ANKHD1: variants seen among roughly 807,000 people sequenced by gnomAD.
The protein encoded by ANKHD1 is ankyrin repeat and KH domain-containing protein 1.
In ANKHD1, 31 loss-of-function variants were observed where a neutral mutation model predicts 230.5. The ratio of observed to expected loss-of-function variants is 0.13; its 90% CI spans 0.10 to 0.18. ANKHD1 has a LOEUF of 0.18. ANKHD1 is among the 10% of genes least tolerant of loss of function. ANKHD1 has a pLI of 1.00. For missense variants in ANKHD1, 2,256 were observed against 3,071.3 expected (o/e 0.73, Z 6.27); for synonymous variants, 1,074 against 1,117.6 (o/e 0.96, Z 0.78).
rs1754218710 is a variant in ANKHD1 at position 140,539,733 on chromosome 5, T to A, written c.*315T>A. 1 of 207,400 alleles carries A rather than the reference T, an allele frequency of 4.8e-6. No homozygotes were observed. Among genetic ancestry groups the A allele is most frequent in the Non-Finnish European group, 9.6e-6 (1 of 104,184 alleles). The allele number at this position is 207,400 out of a possible 1,614,324, so 12.8% of individuals were successfully genotyped here. A position where few individuals can be genotyped will look rare whatever the true frequency, so the allele number is the denominator to read the frequency against. On this transcript the variant is annotated 3_prime_UTR_variant, in exon 34 of 34. Transcript: ENST00000360839. ...GGGTGATAAATACATGTATAATTGT[T>A]TACATACTTAAAAGGAAAAAGTTGA...
intron 1 of ANKHD1, among the ~76,000 whole-genome samples, chr5:140,414,495 T>G (rs1484722530): frequency 6.6e-6 from 1 of 152,206 alleles, no homozygotes; most frequent in Non-Finnish European, 1.5e-5. Context: ...TTTCTGTATC[T>G]TTGGTGAAAT....
intron 22 of ANKHD1, among the ~76,000 whole-genome samples, chr5:140,511,298 A>C (rs897254129): frequency 6.6e-6 from 1 of 152,158 alleles, no homozygotes; most frequent in Admixed American, 6.5e-5. Flanking sequence ...TTATGCTACT[A>C]TCCCCTTTTG....
intron 24 of ANKHD1, among the ~76,000 whole-genome samples, chr5:140,520,577 C>T (rs2127076352): frequency 6.6e-6 from 1 of 151,952 alleles, no homozygotes; most frequent in South Asian, 2.1e-4. Flanking sequence ...GGCACATATA[C>T]ACCATGGAAT....
intron 7 of ANKHD1, among the ~76,000 whole-genome samples, chr5:140,452,374 T>A (rs531879218): frequency 6.6e-6 from 1 of 152,210 alleles, no homozygotes; most frequent in South Asian, 2.1e-4. Flanking sequence ...AGAGAGTAGT[T>A]GTTCTCCAAG....
chr5:140,530,614 T>G (rs1415987005), intron 29 of ANKHD1, among the ~76,000 whole-genome samples: 1 of 152,270 alleles, frequency 6.6e-6, no homozygotes, highest in Non-Finnish European at 1.5e-5. Flanking sequence ...ATAAATTAGC[T>G]GCCGAGGCAT....
intron 11 of ANKHD1, among the ~76,000 whole-genome samples, chr5:140,483,860 C>T (rs1254008285): frequency 1.3e-5 from 2 of 152,146 alleles, no homozygotes. Context: ...CATATCTTTA[C>T]ATAATATAGT....
intron 1 of ANKHD1, among the ~76,000 whole-genome samples, chr5:140,428,566 A>C (rs1772746056): frequency 6.6e-6 from 1 of 152,188 alleles, no homozygotes; most frequent in South Asian, 2.1e-4. Flanking sequence ...GGGAGGTTGC[A>C]GTGAGCCCAG....
chr5:140,456,993 A>AT (rs1260470065), intron 7 of ANKHD1, among the ~76,000 whole-genome samples: 27 of 152,322 alleles, frequency 1.8e-4, no homozygotes, highest in Middle Eastern at 6.8e-3. Flanking sequence ...TCTACAATGA[A>AT]CTCAAACAAA....
chr5:140,516,732 CA>C (rs1413995939), intron 24 of ANKHD1, among the ~76,000 whole-genome samples: 4 of 151,928 alleles, frequency 2.6e-5, no homozygotes, highest in African/African-American at 9.7e-5. Flanking sequence ...TACAGAGAAG[CA>C]AATGCTGAGA....
intron 10 of ANKHD1, among the ~76,000 whole-genome samples, chr5:140,466,453 T>G (rs1306517458): frequency 6.6e-6 from 1 of 151,878 alleles, no homozygotes; most frequent in East Asian, 1.9e-4. Flanking sequence ...GTAAATGTAC[T>G]CTAATGTATA....
chr5:140,524,519 A>G (rs959472735), intron 25 of ANKHD1, among the ~76,000 whole-genome samples: 3 of 152,212 alleles, frequency 2.0e-5, no homozygotes, highest in Admixed American at 1.3e-4. Flanking sequence ...TACAGTGAGA[A>G]GTTTGCCACC....
intron 15 of ANKHD1, among the ~76,000 whole-genome samples, chr5:140,501,748 C>CAA (rs146816266): frequency 3.1e-4 from 44 of 144,194 alleles, no homozygotes; most frequent in Admixed American, 1.4e-3. Context: ...GACTTCATCT[C>CAA]AAAAAAAAAA....
At chr5:140,404,091 G>T (rs1007286848) in intron 1 of ANKHD1, among the ~76,000 whole-genome samples, 10 of 152,198 alleles carry the variant, frequency 6.6e-5, no homozygotes, top group Non-Finnish European at 1.0e-4. Flanking sequence ...AAGCCAAGGT[G>T]AGAGAAATGT....
rs542427797 is a variant in ANKHD1, at chr5:140,462,585, C to T, written c.1673-2082C>T. 2.0e-5 allele frequency among the ~76,000 whole-genome samples: 3 copies of T among 151,744 alleles called. No homozygotes were observed. In the South Asian group the frequency reaches 6.3e-4, roughly 32 times the overall value. ...TAAAAAATACAAAAAATTAGCCAGGCGTGGTGGTGGACGCCTATAGTCCCG... is the reference window on the plus strand; with the variant it reads ...TAAAAAATACAAAAAATTAGCCAGGTGTGGTGGTGGACGCCTATAGTCCCG... On this transcript the variant is annotated intron_variant, in intron 9 of 33. Transcript: ENST00000360839.
At chr5:140,439,525 C>T (rs1342574474) in intron 3 of ANKHD1, among the ~76,000 whole-genome samples, 2 of 152,038 alleles carry the variant, frequency 1.3e-5, no homozygotes, top group African/African-American at 2.4e-5. Flanking sequence ...CAAAAATTAG[C>T]CAGCTGTGGT....
In ANKHD1 at chr5:140,506,034, A is replaced by G. The variant is rs1006791026; in HGVS notation, c.3408+165A>G. On this transcript the variant is annotated intron_variant, in intron 18 of 33. Coordinates refer to ENST00000360839, the MANE Select transcript of ANKHD1 (RefSeq NM_017747.3). This position sits in a 1 kb window ranked among gnomAD's most constrained non-coding sequence, Gnocchi z 4.7. Reference sequence around the variant, plus strand: ...TCCCAGGCTAGAGTACAGTGGTGCAATTACAGCTCGCTATAACCTTGAACT... The same window carrying G: ...TCCCAGGCTAGAGTACAGTGGTGCAGTTACAGCTCGCTATAACCTTGAACT... Among the ~76,000 whole-genome samples the G allele has an allele frequency of 1.3e-5, 2 of 152,118 alleles. No individual in the cohort carries two copies. The highest frequency in any genetic ancestry group is 2.1e-4 in the South Asian group (1 of 4,832).
intron 1 of ANKHD1, among the ~76,000 whole-genome samples, chr5:140,422,812 G>A (rs966534868): frequency 1.6e-5 from 2 of 121,400 alleles, no homozygotes; most frequent in Admixed American, 1.7e-4. Context: ...TCTGTCTTGG[G>A]GGGGAAAAAA....
Position 140,485,012 on chromosome 5 carries a change from TA to T in ANKHD1, c.1871-108del, listed in dbSNP as rs1431010567. ...CAAACTATACACTTAATGATTTGTA[TA>T]TTTTTTTGTATCTACATTATACTTC... On this transcript the variant is annotated intron_variant, in intron 11 of 33. Coordinates refer to ENST00000360839, the MANE Select transcript of ANKHD1 (RefSeq NM_017747.3). This position sits in a 1 kb window ranked among gnomAD's most constrained non-coding sequence, Gnocchi z 4.8. 50 of 1,411,076 alleles carry T rather than the reference TA, an allele frequency of 3.5e-5. No homozygotes were observed. In the Middle Eastern group the frequency reaches 8.9e-4, roughly 25 times the overall value. The allele number at this position is 1,411,076 out of a possible 1,614,324, so 87.4% of individuals were successfully genotyped here.
chr5:140,407,749 A>C (rs994150658), intron 1 of ANKHD1, among the ~76,000 whole-genome samples: 2 of 152,182 alleles, frequency 1.3e-5, no homozygotes, highest in Non-Finnish European at 2.9e-5. Context: ...TTTTTAGCAA[A>C]TCGAAATAAA....
Sources: allele counts gnomAD v4.1 joint callset (sites outside exome capture counted in the v4.1 genomes callset), GRCh38; gene constraint gnomAD v4.1.1; non-coding constraint Gnocchi (gnomAD v3.1); transcripts MANE v1.5; gene names NCBI Gene and HGNC (gene_info 2026-07-23, HGNC 2026-07-21).